The following MBD5 variants were observed in gnomAD, a reference collection of about 807,000 sequenced individuals.
MBD5 encodes methyl-CpG binding domain protein 5.
In MBD5, 13 loss-of-function variants were observed where a neutral mutation model predicts 117.3. The observed-to-expected ratio is 0.11, with a 90% CI of 0.07 to 0.18. The LOEUF is 0.18. MBD5 is among the 10% of genes least tolerant of loss of function. The probability of loss-of-function intolerance (pLI) is 1.00; values close to 1 mark genes in which losing one functional copy is unlikely to be tolerated. For missense variants in MBD5, 1,879 were observed against 2,093.8 expected, an observed-to-expected ratio of 0.90 and a Z score of 2.00; for synonymous variants, 727 against 766.4, an observed-to-expected ratio of 0.95 and a Z score of 0.85.
intron 3 of MBD5, among the ~76,000 whole-genome samples, chr2:148,303,201 GACAA>G (rs949224245): frequency 1.3e-5 from 2 of 152,090 alleles, no homozygotes; most frequent in East Asian, 3.9e-4. Context: ...TAGTAAATCA[GACAA>G]ACAATTTGGT....
At position 148,299,617 on chromosome 2, in the gene MBD5, T is replaced by C. The variant is rs149431689; in HGVS notation, c.-679-42597T>C. On this transcript the variant is annotated intron_variant, in intron 3 of 13. Coordinates refer to ENST00000642680, the MANE Select transcript of MBD5 (RefSeq NM_001378120.1). The stretch of plus-strand genomic sequence containing the variant: ...AGCCTTCAGGTGCCTGCATATAAGA[T>C]ATATAAAAGGCTCAGTTTTATTCCA... 4.5e-3 allele frequency among the ~76,000 whole-genome samples: 692 copies of C among 152,354 alleles called. 7 individuals carry two copies. The highest frequency in any genetic ancestry group is 0.016 in the African/African-American group (652 of 41,590).
chr2:148,294,518 T>TTGTTTTTTTTTGTTTG (rs1701601369), intron 3 of MBD5, among the ~76,000 whole-genome samples: 1 of 146,316 alleles, frequency 6.8e-6, no homozygotes, highest in Non-Finnish European at 1.5e-5. Flanking sequence ...TTTTTTTTTT[T>TTGTTTTTTTTTGTTTG]TTTGAGATAG....
intron 8 of MBD5, among the ~76,000 whole-genome samples, chr2:148,478,094 A>C (rs555990316): frequency 6.6e-6 from 1 of 152,344 alleles, no homozygotes; most frequent in East Asian, 1.9e-4. Context: ...ACCAGGAAGA[A>C]GAGAAACGAA....
chr2:148,424,424 C>G (rs1301960406), intron 4 of MBD5, among the ~76,000 whole-genome samples: 1 of 151,706 alleles, frequency 6.6e-6, no homozygotes, highest in African/African-American at 2.4e-5. Context: ...GACTCCCACA[C>G]AATAATAGTG....
rs1185100489 is a variant in MBD5 at position 148,446,602 on chromosome 2, C to CTGTGTGTGTGTGTGTGTGTG, written c.-556-11591_-556-11572dup. Among the ~76,000 whole-genome samples, 93 of 148,892 alleles carry CTGTGTGTGTGTGTGTGTGTG rather than the reference C, an allele frequency of 6.2e-4. 1 individual carries two copies. Among genetic ancestry groups the CTGTGTGTGTGTGTGTGTGTG allele is most frequent in the Middle Eastern group, 3.4e-3 (1 of 290 alleles). ...TTAATTTACATACCAGATTATTTAT[C>CTGTGTGTGTGTGTGTGTGTG]TGTGTGTGTGTGTGTGTGTGTGTGT... On this transcript the variant is annotated intron_variant, in intron 4 of 13. Transcript: ENST00000642680.
At chr2:148,116,283 G>A (rs1191435411) in intron 1 of MBD5, among the ~76,000 whole-genome samples, 1 of 151,848 alleles carries the variant, frequency 6.6e-6, no homozygotes, top group Non-Finnish European at 1.5e-5. Flanking sequence ...AGTCACTACT[G>A]GTATTCATTG....
At chr2:148,465,365 G>A (rs1374542870) in intron 7 of MBD5, among the ~76,000 whole-genome samples, 1 of 152,036 alleles carries the variant, frequency 6.6e-6, no homozygotes. Context: ...TTGGGACTGA[G>A]GAACTTCTTT....
chr2:148,354,349 A>T (rs1703319945), intron 4 of MBD5, among the ~76,000 whole-genome samples: 1 of 151,524 alleles, frequency 6.6e-6, no homozygotes, highest in African/African-American at 2.4e-5. Context: ...CACACTTATG[A>T]GTGAGAACAT....
intron 2 of MBD5, among the ~76,000 whole-genome samples, chr2:148,214,327 AC>A (rs1223040225): frequency 6.6e-6 from 1 of 152,206 alleles, no homozygotes; most frequent in Non-Finnish European, 1.5e-5. Flanking sequence ...ATTTATAGAC[AC>A]TGAAATTTGA....
At chr2:148,153,865 C>A (rs1697770609) in intron 1 of MBD5, among the ~76,000 whole-genome samples, 1 of 86,402 alleles carries the variant, frequency 1.2e-5, no homozygotes, top group Non-Finnish European at 2.2e-5. Context: ...AAGTTTTCAA[C>A]TTCTTTGCCT....
intron 3 of MBD5, among the ~76,000 whole-genome samples, chr2:148,295,113 C>T (rs948636962): frequency 2.0e-5 from 3 of 152,150 alleles, no homozygotes; most frequent in Non-Finnish European, 4.4e-5. Flanking sequence ...AGTTTCCAGC[C>T]ATTATTTCTT....
chr2:148,268,139 T>TGTAAA (rs1396171265), intron 3 of MBD5, among the ~76,000 whole-genome samples: 1 of 152,018 alleles, frequency 6.6e-6, no homozygotes, highest in East Asian at 1.9e-4. Context: ...TTTGTAAAGC[T>TGTAAA]GTAGTTTCAC....
Position 148,145,518 on chromosome 2 carries a change from C to T in MBD5, c.-924-33182C>T, listed in dbSNP as rs574150902. Among the ~76,000 whole-genome samples, 130 of 152,208 alleles carry T rather than the reference C, an allele frequency of 8.5e-4. 1 individual carries two copies. The highest frequency in any genetic ancestry group is 4.4e-3 in the East Asian group (23 of 5,176). ...GGAGTGGTGAGAGAGGGCATCCCTG[C>T]CTTGTGCCTGTTTTCAAAGGGAATG... On this transcript the variant is annotated intron_variant, in intron 1 of 13. Transcript: ENST00000642680.
At chr2:148,477,120 GA>G (rs761210434) in intron 8 of MBD5, among the ~76,000 whole-genome samples, 5 of 151,956 alleles carry the variant, frequency 3.3e-5, no homozygotes, top group African/African-American at 4.8e-5. Flanking sequence ...ACATTATGGG[GA>G]GGGGGGAAGA....
At chr2:148,487,682 G>A (rs1247102971) in intron 10 of MBD5, among the ~76,000 whole-genome samples, 1 of 152,082 alleles carries the variant, frequency 6.6e-6, no homozygotes, top group Non-Finnish European at 1.5e-5. Context: ...GAGGAACAGT[G>A]AATAGGAGGT....
chr2:148,484,154 C>CA lies in MBD5; in HGVS notation c.3544+22dup, dbSNP rs947445486. 3 of 1,415,976 alleles carry CA rather than the reference C, an allele frequency of 2.1e-6. No individual in the cohort carries two copies. The highest frequency in any genetic ancestry group is 2.8e-6 in the Non-Finnish European group (3 of 1,084,100). 87.7% of individuals were successfully genotyped at this position (1,415,976 alleles called of 1,614,324 possible). ...CTACTTGGTAAGTTAAATTTTTTCA[C>CA]AAATTTTTTACAAAAGAAACGTTTT... On this transcript the variant is annotated intron_variant, in intron 9 of 13. Coordinates refer to ENST00000642680, the MANE Select transcript of MBD5 (RefSeq NM_001378120.1).
chr2:148,434,306 A>G (rs770849469), intron 4 of MBD5, among the ~76,000 whole-genome samples: 19 of 151,336 alleles, frequency 1.3e-4, no homozygotes, highest in Non-Finnish European at 2.7e-4. Flanking sequence ...TATCCTATTA[A>G]TTTTTTCAAA....
chr2:148,435,727 G>T (rs193077926), intron 4 of MBD5, among the ~76,000 whole-genome samples: 82 of 152,170 alleles, frequency 5.4e-4, no homozygotes, highest in African/African-American at 2.0e-3. Context: ...CTTAGGAATG[G>T]TCTTCTTGTG....
intron 1 of MBD5, among the ~76,000 whole-genome samples, chr2:148,115,148 A>G (rs1312388597): frequency 6.6e-6 from 1 of 152,170 alleles, no homozygotes; most frequent in Non-Finnish European, 1.5e-5. Flanking sequence ...AGATTACTAC[A>G]TATAGATTTA....
Sources: gnomAD v4.1 joint callset for allele counts (sites outside exome capture counted in the v4.1 genomes callset) on GRCh38, gnomAD v4.1.1 for gene constraint, MANE v1.5 for transcripts, NCBI Gene and HGNC (gene_info 2026-07-23, HGNC 2026-07-21) for gene names.